TLR3: variants seen among roughly 807,000 people sequenced by gnomAD.
TLR3 encodes the protein toll like receptor 3.
A neutral mutation model predicts 66.4 loss-of-function variants in TLR3; 43 were observed. The observed-to-expected ratio is 0.65, with a 90% CI of 0.51 to 0.83. The LOEUF (loss-of-function observed/expected upper bound fraction) is 0.83. Ranked by LOEUF, TLR3 falls within the 40% of genes least tolerant of loss-of-function variation. TLR3 has a pLI of 0.00. For missense variants in TLR3, 982 were observed against 1,044.6 expected (o/e 0.94, Z 0.83); for synonymous variants, 397 against 397.2 (o/e 1.00, Z 0.01).
intron 1 of TLR3, among the ~76,000 whole-genome samples, chr4:186,070,346 A>C (rs1324325750): frequency 6.6e-6 from 1 of 152,128 alleles, no homozygotes; most frequent in Non-Finnish European, 1.5e-5. Context: ...ATGGATGTGA[A>C]ATTTCCCTAT....
chr4:186,080,379 A>G (rs2099303230), intron 3 of TLR3, among the ~76,000 whole-genome samples: 1 of 152,024 alleles, frequency 6.6e-6, no homozygotes, highest in Non-Finnish European at 1.5e-5. Flanking sequence ...AAATCACTCA[A>G]ATGTCCATAG....
intron 1 of TLR3, among the ~76,000 whole-genome samples, chr4:186,071,780 T>C (rs906848168): frequency 2.6e-5 from 4 of 152,240 alleles, no homozygotes; most frequent in African/African-American, 9.6e-5. Context: ...TCACATTAGT[T>C]CTGTTTTCCT....
At chr4:186,077,971 T>A (rs2099302734) in intron 2 of TLR3, among the ~76,000 whole-genome samples, 1 of 152,190 alleles carries the variant, frequency 6.6e-6, no homozygotes, top group East Asian at 1.9e-4. Context: ...ATGCCAAGAA[T>A]AATGTACAAA....
rs1388869607 is a variant in TLR3, at chr4:186,082,924, A to C, written c.1238A>C (p.Asn413Thr). 1 of 1,613,998 alleles carries C rather than the reference A, an allele frequency of 6.2e-7. No individual in the cohort carries two copies. Among genetic ancestry groups the C allele is most frequent in the African/African-American group, 1.3e-5 (1 of 74,898 alleles). Residue 413 changes from asparagine (N) to threonine (T), a missense_variant, in exon 4 of 5, where the codon AAC becomes ACC. Around this residue, in one of 3 missense-constraint regions of TLR3, gnomAD observed 666 missense variants for 709.0 expected, o/e 0.94. Transcript: ENST00000296795. ...GCTCATTCTCCCTTACACATACTCAACCTAACCAAGAATAAAATCTCAAAA... is the reference window on the plus strand; with the variant it reads ...GCTCATTCTCCCTTACACATACTCACCCTAACCAAGAATAAAATCTCAAAA... ...SLAHSPLHIL[N>T]LTKNKISKIE... is the part of the protein sequence containing the mutation.
chr4:186,073,479 C>G (rs749129893), intron 1 of TLR3, among the ~76,000 whole-genome samples: 3 of 151,780 alleles, frequency 2.0e-5, no homozygotes, highest in Non-Finnish European at 4.4e-5. Context: ...AAGATGGCAC[C>G]ACTGCACTCC....
rs2099304313 is a variant in TLR3 at position 186,086,095 on chromosome 4, C to T, written c.*1222C>T. 6.6e-6 allele frequency: 1 copy of T among 152,214 alleles called. No individual in the cohort carries two copies. Among genetic ancestry groups the T allele is most frequent in the Admixed American group, 6.5e-5 (1 of 15,286 alleles). 9.4% of individuals were successfully genotyped at this position (152,214 alleles called of 1,614,324 possible). On this transcript the variant is annotated 3_prime_UTR_variant, in exon 5 of 5. Coordinates refer to ENST00000296795, the MANE Select transcript of TLR3 (RefSeq NM_003265.3). ...GCCAGGCTGGTCTTGAACTCCTGAC[C>T]TCAAGTGATCCTCTCGCCTTGGCCT...
At position 186,087,305 on chromosome 4, in the gene TLR3, T is replaced by G. The variant is rs2099304523; in HGVS notation, c.*2432T>G. On this transcript the variant is annotated 3_prime_UTR_variant, in exon 5 of 5. Coordinates refer to ENST00000296795, the MANE Select transcript of TLR3 (RefSeq NM_003265.3). ...TCTAAATGAATGCCAATAAAAATAG[T>G]AAAAGGTGTAAACTCTGACTCCTAT... 1 of 152,124 alleles carries G rather than the reference T, an allele frequency of 6.6e-6. No individual in the cohort carries two copies. Among genetic ancestry groups the G allele is most frequent in the Admixed American group, 6.6e-5 (1 of 15,266 alleles). The allele number at this position is 152,124 out of a possible 1,614,324, so 9.4% of individuals were successfully genotyped here. A position where few individuals can be genotyped will look rare whatever the true frequency, so the allele number is the denominator to read the frequency against.
chr4:186,077,063 A>G lies in TLR3; in HGVS notation c.441+3A>G, dbSNP rs143625567. On this transcript the variant is annotated splice_donor_region_variant and intron_variant, in intron 2 of 4. Coordinates refer to ENST00000296795, the MANE Select transcript of TLR3 (RefSeq NM_003265.3). Reference sequence around the variant, plus strand: ...ATAATCCCTTTGTCAAGCAGAAGGTAAGTTGAAAATGTCTATTGTTACTAA... The same window carrying G: ...ATAATCCCTTTGTCAAGCAGAAGGTGAGTTGAAAATGTCTATTGTTACTAA... The G allele has an allele frequency of 1.6e-4, 264 of 1,612,990 alleles. 1 individual carries two copies. In the African/African-American group the frequency reaches 3.2e-3, roughly 19 times the overall value.
At chr4:186,075,080 A>C (rs2077356591) in intron 1 of TLR3, among the ~76,000 whole-genome samples, 1 of 152,224 alleles carries the variant, frequency 6.6e-6, no homozygotes, top group South Asian at 2.1e-4. Flanking sequence ...TGATAAAAAG[A>C]ATAGTATAGT....
At chr4:186,073,437 T>C (rs2099301846) in intron 1 of TLR3, among the ~76,000 whole-genome samples, 1 of 152,020 alleles carries the variant, frequency 6.6e-6, no homozygotes, top group Non-Finnish European at 1.5e-5. Context: ...GGAGAATCAC[T>C]TGAACCCAGG....
At chr4:186,072,368 T>G (rs890510887) in intron 1 of TLR3, among the ~76,000 whole-genome samples, 1 of 152,096 alleles carries the variant, frequency 6.6e-6, no homozygotes. Context: ...CTGGAGTGCA[T>G]GTGGTGGGAT....
At position 186,082,771 on chromosome 4, in the gene TLR3, T is replaced by C; in HGVS notation, c.1085T>C (p.Met362Thr). 1 of 1,614,100 alleles carries C rather than the reference T, an allele frequency of 6.2e-7. No homozygotes were observed. The highest frequency in any genetic ancestry group is 1.3e-5 in the African/African-American group (1 of 75,040). ...QWLKCLEHLN[M>T]EDNDIPGIKS... The stretch of plus-strand genomic sequence containing the variant: ...CTAAAATGTTTGGAGCACCTTAACA[T>C]GGAAGATAATGATATTCCAGGCATA... Residue 362 changes from methionine to threonine, a missense_variant, in exon 4 of 5, where the codon ATG (methionine) becomes ACG (threonine). Transcript: ENST00000296795.
rs71624739 is a variant in TLR3, at chr4:186,082,121, A to G, written c.634-199A>G. 4.0e-3 allele frequency: 2,310 copies of G among 583,402 alleles called. 8 individuals are homozygous for G. The highest frequency in any genetic ancestry group is 5.5e-3 in the Non-Finnish European group (1,848 of 336,788). The allele number at this position is 583,402 out of a possible 1,614,324, so 36.1% of individuals were successfully genotyped here. A position where few individuals can be genotyped will look rare whatever the true frequency, so the allele number is the denominator to read the frequency against. ...ATGCCTGTAATCCCAGCTACTCGGGAGGCTGAGGCAGGAGAATTGCTTGAA... is the reference window on the plus strand; with the variant it reads ...ATGCCTGTAATCCCAGCTACTCGGGGGGCTGAGGCAGGAGAATTGCTTGAA... On this transcript the variant is annotated intron_variant, in intron 3 of 4. Transcript: ENST00000296795.
chr4:186,079,038 A>T lies in TLR3; in HGVS notation c.633+7A>T. The T allele has an allele frequency of 6.8e-6, 11 of 1,610,132 alleles. No homozygotes were observed. Among genetic ancestry groups the T allele is most frequent in the Non-Finnish European group, 9.3e-6 (11 of 1,177,354 alleles). On this transcript the variant is annotated splice_region_variant and intron_variant, in intron 3 of 4. Coordinates refer to ENST00000296795, the MANE Select transcript of TLR3 (RefSeq NM_003265.3). The stretch of plus-strand genomic sequence containing the variant: ...ATCGAATCAAATTAAAGAGGTAAGA[A>T]GTAAGGTAAAATTATTTTGCATTCT...
In TLR3 at chr4:186,082,610, T is replaced by C. The variant is rs1193273148; in HGVS notation, c.924T>C (p.Asn308=). 1 of 1,614,080 alleles carries C rather than the reference T, an allele frequency of 6.2e-7. No homozygotes were observed. The highest frequency in any genetic ancestry group is 8.5e-7 in the Non-Finnish European group (1 of 1,180,020). ...PQLEYFFLEY[N]NIQHLFSHSL... The stretch of plus-strand genomic sequence containing the variant: ...TAGAATATTTCTTCCTAGAGTATAA[T>C]AATATACAGCATTTGTTTTCTCACT... Residue 308 remains asparagine (N), a synonymous_variant, in exon 4 of 5, where the codon AAT becomes AAC. Transcript: ENST00000296795.
chr4:186,072,284 G>T (rs1157224563), intron 1 of TLR3, among the ~76,000 whole-genome samples: 7 of 152,148 alleles, frequency 4.6e-5, no homozygotes, highest in Non-Finnish European at 8.8e-5. Flanking sequence ...AGAAGGGGAA[G>T]GTGCCACACA....
In TLR3 at chr4:186,084,058, G is replaced by A; in HGVS notation, c.2372G>A (p.Arg791Lys). The A allele has an allele frequency of 6.2e-7, 1 of 1,614,138 alleles. No individual in the cohort carries two copies. Among genetic ancestry groups the A allele is most frequent in the Non-Finnish European group, 8.5e-7 (1 of 1,180,026 alleles). The part of the protein sequence containing the change: ...DQSLKFCLEE[R>K]DFEAGVFELE... ...TCTCTCAAATTTTGTCTGGAAGAAA[G>A]GGACTTTGAGGCGGGTGTTTTTGAA... Residue 791 changes from arginine to lysine, a missense_variant, in exon 4 of 5, where the codon AGG (arginine) becomes AAG (lysine). Coordinates refer to ENST00000296795, the MANE Select transcript of TLR3 (RefSeq NM_003265.3).
chr4:186,083,381 C>A lies in TLR3; in HGVS notation c.1695C>A (p.His565Gln). 6.2e-7 allele frequency: 1 copy of A among 1,614,110 alleles called. No individual in the cohort carries two copies. Among genetic ancestry groups the A allele is most frequent in the East Asian group, 2.2e-5 (1 of 44,896 alleles). The change falls in exon 4 of 5, where the codon CAC becomes CAA. Residue 565 changes from histidine (H) to glutamine (Q), a missense_variant. Coordinates refer to ENST00000296795, the MANE Select transcript of TLR3 (RefSeq NM_003265.3). The surrounding 1 kb of genome is among the most constrained non-coding windows in gnomAD (Gnocchi z 4.0). ...TCCTAAAGGGTCTGTCTCACCTCCA[C>A]ATCCTTAACTTGGAGTCCAACGGCT... ...IYFLKGLSHL[H>Q]ILNLESNGFD... is the part of the protein sequence containing the mutation.
Position 186,083,748 on chromosome 4 carries a change from G to T in TLR3, c.2062G>T (p.Val688Leu). The T allele has an allele frequency of 6.2e-7, 1 of 1,613,772 alleles. No homozygotes were observed. The highest frequency in any genetic ancestry group is 8.5e-7 in the Non-Finnish European group (1 of 1,179,896). The change falls in exon 4 of 5, where the codon GTG (valine) becomes TTG (leucine). Residue 688 changes from valine (V) to leucine (L), a missense_variant. Coordinates refer to ENST00000296795, the MANE Select transcript of TLR3 (RefSeq NM_003265.3). The surrounding 1 kb of genome is among the most constrained non-coding windows in gnomAD (Gnocchi z 4.0). ...TCCACCTCACTATCATGGGTTCCCA[G>T]TGAGACTTTTTGATACATCATCTTG... is the stretch of plus-strand genomic sequence containing the variant. ...NTPPHYHGFP[V>L]RLFDTSSCKD...
Sources: gnomAD v4.1 joint callset for allele counts (sites outside exome capture counted in the v4.1 genomes callset) on GRCh38, gnomAD v4.1.1 for gene constraint, gnomAD v4.1.1 regional missense constraint, Gnocchi (gnomAD v3.1) non-coding constraint, MANE v1.5 for transcripts, NCBI Gene and HGNC (gene_info 2026-07-23, HGNC 2026-07-21) for gene names.